The following KCTD8 variants were observed in gnomAD, a reference collection of about 807,000 sequenced individuals.
KCTD8 encodes the protein BTB/POZ domain-containing protein KCTD8.
In KCTD8, 27 loss-of-function variants were observed where a neutral mutation model predicts 31.5. That is an observed-to-expected ratio of 0.86 (90% confidence interval 0.63 to 1.18). The LOEUF is 1.18. Ranked by LOEUF, KCTD8 falls within the 50% of genes most tolerant of loss-of-function variation. The pLI is 0.00. For synonymous variants in KCTD8, 290 were observed against 280.0 expected (o/e 1.04, Z -0.36); for missense variants, 658 against 647.7 (o/e 1.02, Z -0.17).
chr4:44,225,921 C>T (rs1290866755), intron 1 of KCTD8, among the ~76,000 whole-genome samples: 3 of 149,712 alleles, frequency 2.0e-5, no homozygotes, highest in African/African-American at 7.4e-5. Context: ...CCCAGGTTCA[C>T]GCCATTCTCC....
chr4:44,329,747 C>T (rs1027376593), intron 1 of KCTD8, among the ~76,000 whole-genome samples: 11 of 151,802 alleles, frequency 7.2e-5, no homozygotes, highest in Non-Finnish European at 1.5e-4. Context: ...AAAATATGAG[C>T]CCCCTGTGCT....
At chr4:44,441,376 A>G (rs2109484483) in intron 1 of KCTD8, among the ~76,000 whole-genome samples, 1 of 152,332 alleles carries the variant, frequency 6.6e-6, no homozygotes, top group Admixed American at 6.5e-5. Context: ...ATATTCATGA[A>G]TACGATAGCA....
At chr4:44,231,993 A>G (rs1467416914) in intron 1 of KCTD8, among the ~76,000 whole-genome samples, 1 of 152,136 alleles carries the variant, frequency 6.6e-6, no homozygotes, top group Non-Finnish European at 1.5e-5. Flanking sequence ...ATTAGATACT[A>G]TTGTCACTAT....
intron 1 of KCTD8, among the ~76,000 whole-genome samples, chr4:44,298,070 G>C (rs1717489773): frequency 6.6e-6 from 1 of 152,134 alleles, no homozygotes; most frequent in Non-Finnish European, 1.5e-5. Context: ...AGTATCTGAT[G>C]CAGAGTTTGT....
chr4:44,317,731 C>T lies in KCTD8; in HGVS notation c.961+129832G>A. ...CTGATTTTTCACTCATGGAAAAATT[C>T]AAAAAATTGCAATCTCTGGCATAAA... On this transcript the variant is annotated intron_variant, in intron 1 of 1. Transcript: ENST00000360029. Among the ~76,000 whole-genome samples, 2 of 152,126 alleles carry T rather than the reference C, an allele frequency of 1.3e-5. 1 individual carries two copies.
chr4:44,440,212 C>T (rs897321273), intron 1 of KCTD8, among the ~76,000 whole-genome samples: 35 of 152,188 alleles, frequency 2.3e-4, no homozygotes, highest in East Asian at 1.9e-4. Flanking sequence ...GGATTACAGG[C>T]GTGAGCCACC....
chr4:44,259,216 T>C (rs1716089562), intron 1 of KCTD8, among the ~76,000 whole-genome samples: 1 of 151,836 alleles, frequency 6.6e-6, no homozygotes, highest in Admixed American at 6.6e-5. Context: ...CTTTGTGGTT[T>C]TTTTTTCAGA....
At chr4:44,371,245 G>A (rs1719776100) in intron 1 of KCTD8, among the ~76,000 whole-genome samples, 1 of 152,142 alleles carries the variant, frequency 6.6e-6, no homozygotes, top group African/African-American at 2.4e-5. Context: ...AGGGTAATCT[G>A]CTTTACCTGC....
At chr4:44,331,184 T>C (rs1435143975) in intron 1 of KCTD8, among the ~76,000 whole-genome samples, 1 of 151,932 alleles carries the variant, frequency 6.6e-6, no homozygotes. Flanking sequence ...TGTCTTTTCC[T>C]TCTCAGTTTG....
chr4:44,446,151 C>T (rs932590817), intron 1 of KCTD8, among the ~76,000 whole-genome samples: 2 of 152,070 alleles, frequency 1.3e-5, no homozygotes, highest in Non-Finnish European at 2.9e-5. Context: ...GGTTTGTCAC[C>T]CAACTTCCAA....
At chr4:44,222,916 G>T (rs1714848431) in intron 1 of KCTD8, among the ~76,000 whole-genome samples, 1 of 152,212 alleles carries the variant, frequency 6.6e-6, no homozygotes, top group African/African-American at 2.4e-5. Context: ...CTAGGTTAGA[G>T]ATATGGTTAA....
intron 1 of KCTD8, among the ~76,000 whole-genome samples, chr4:44,396,755 G>T (rs967091303): frequency 1.3e-5 from 2 of 152,122 alleles, no homozygotes; most frequent in Non-Finnish European, 2.9e-5. Flanking sequence ...CACCTTCTTA[G>T]TGTGCAGGAA....
intron 1 of KCTD8, among the ~76,000 whole-genome samples, chr4:44,284,359 C>T (rs1045474700): frequency 1.3e-5 from 2 of 152,170 alleles, no homozygotes; most frequent in Admixed American, 1.3e-4. Flanking sequence ...CCAACACACA[C>T]AAGCAATGGG....
chr4:44,386,344 A>G (rs1305428535), intron 1 of KCTD8, among the ~76,000 whole-genome samples: 3 of 151,610 alleles, frequency 2.0e-5, no homozygotes, highest in Non-Finnish European at 3.0e-5. Context: ...GTACACAAAA[A>G]TGAATATTAT....
At chr4:44,284,774 AG>A (rs1717006086) in intron 1 of KCTD8, among the ~76,000 whole-genome samples, 1 of 152,230 alleles carries the variant, frequency 6.6e-6, no homozygotes, top group Non-Finnish European at 1.5e-5. Flanking sequence ...CAAATTTACA[AG>A]AAAAAAGCAA....
chr4:44,307,357 A>T (rs1453185970), intron 1 of KCTD8, among the ~76,000 whole-genome samples: 1 of 152,002 alleles, frequency 6.6e-6, no homozygotes, highest in East Asian at 1.9e-4. Flanking sequence ...TAGCTAGTTC[A>T]TCTATATCTG....
intron 1 of KCTD8, among the ~76,000 whole-genome samples, chr4:44,356,529 A>C (rs1023093490): frequency 2.0e-5 from 3 of 152,122 alleles, no homozygotes; most frequent in Non-Finnish European, 4.4e-5. Flanking sequence ...GCTGGAGTGC[A>C]GTGGCACGAT....
At chr4:44,204,725 A>C (rs1192990860) in intron 1 of KCTD8, among the ~76,000 whole-genome samples, 1 of 152,056 alleles carries the variant, frequency 6.6e-6, no homozygotes, top group African/African-American at 2.4e-5. Flanking sequence ...GTAAGCTAAA[A>C]TTTTCTGCTG....
At chr4:44,422,781 T>A (rs996366443) in intron 1 of KCTD8, among the ~76,000 whole-genome samples, 1 of 152,098 alleles carries the variant, frequency 6.6e-6, no homozygotes, top group Non-Finnish European at 1.5e-5. Flanking sequence ...CATCTCTTCA[T>A]AGGACTATTA....
Sources: allele counts gnomAD v4.1 joint callset (sites outside exome capture counted in the v4.1 genomes callset), GRCh38; gene constraint gnomAD v4.1.1; transcripts MANE v1.5; gene names NCBI Gene and HGNC (gene_info 2026-07-23, HGNC 2026-07-21).